The following KCNQ1 variants were observed in gnomAD, a reference collection of about 807,000 sequenced individuals.
KCNQ1 encodes potassium voltage-gated channel subfamily Q member 1.
In KCNQ1, 49 loss-of-function variants were observed where a neutral mutation model predicts 72.4. The ratio of observed to expected loss-of-function variants is 0.68; its 90% CI spans 0.54 to 0.86. KCNQ1 has a LOEUF of 0.86. Ranked by LOEUF, KCNQ1 falls within the 40% of genes least tolerant of loss-of-function variation. The probability of loss-of-function intolerance (pLI) is 0.00; values close to 1 mark genes in which losing one functional copy is unlikely to be tolerated. For synonymous variants in KCNQ1, 450 were observed against 412.6 expected, an observed-to-expected ratio of 1.09 and a Z score of -1.10; for missense variants, 790 against 945.1, an observed-to-expected ratio of 0.84 and a Z score of 2.15.
chr11:2,570,957 T>A (rs1032379981), intron 3 of KCNQ1, among the ~76,000 whole-genome samples: 2 of 152,046 alleles, frequency 1.3e-5, no homozygotes, highest in African/African-American at 4.8e-5. Flanking sequence ...GTGTTGGGGG[T>A]AGGGGGTTGG....
chr11:2,640,187 C>G (rs993613787), intron 10 of KCNQ1: 7 of 389,930 alleles, frequency 1.8e-5, no homozygotes, highest in Non-Finnish European at 3.2e-5. Flanking sequence ...TACTTCGTCT[C>G]ACACTCAGTG....
In KCNQ1 at chr11:2,668,496, G is replaced by A; in HGVS notation, c.1514+6415G>A. 2.5e-6 allele frequency: 1 copy of A among 398,618 alleles called. No individual in the cohort carries two copies. The highest frequency in any genetic ancestry group is 4.4e-6 in the Non-Finnish European group (1 of 226,060). 24.7% of individuals were successfully genotyped at this position (398,618 alleles called of 1,614,324 possible). On this transcript the variant is annotated intron_variant, in intron 11 of 15. Coordinates refer to ENST00000155840, the MANE Select transcript of KCNQ1 (RefSeq NM_000218.3). This position sits in a 1 kb window ranked among gnomAD's most constrained non-coding sequence, Gnocchi z 4.3. ...TTCCTTTTCAGCCATGATGGTGAAT[G>A]TCTAGCAGCATCAAATGGTGATTTT...
chr11:2,667,570 G>A (rs1850101265), intron 11 of KCNQ1: 2 of 398,256 alleles, frequency 5.0e-6, no homozygotes, highest in African/African-American at 2.1e-5. Flanking sequence ...CTGGCAGTTG[G>A]GGCAGGGGGT....
intron 10 of KCNQ1, chr11:2,644,465 T>A (rs1849635817): frequency 2.5e-6 from 1 of 398,346 alleles, no homozygotes; most frequent in South Asian, 1.3e-4. Context: ...AATTTCTCAT[T>A]CATACCCCGA....
In KCNQ1 at chr11:2,483,610, T is replaced by C. The variant is rs988498213; in HGVS notation, c.386+38126T>C. Reference sequence around the variant, plus strand: ...TGACCTTGATGTTTTAGATAAGTACTGGGCGGCTGTTTTGTAGAACGTCCC... The same window carrying C: ...TGACCTTGATGTTTTAGATAAGTACCGGGCGGCTGTTTTGTAGAACGTCCC... On this transcript the variant is annotated intron_variant, in intron 1 of 15. Coordinates refer to ENST00000155840, the MANE Select transcript of KCNQ1 (RefSeq NM_000218.3). This position sits in a 1 kb window ranked among gnomAD's most constrained non-coding sequence, Gnocchi z 6.1. Among the ~76,000 whole-genome samples the C allele has an allele frequency of 6.6e-6, 1 of 152,222 alleles. No individual in the cohort carries two copies. The highest frequency in any genetic ancestry group is 2.4e-5 in the African/African-American group (1 of 41,464).
At chr11:2,779,229 G>T (rs917842436) in intron 15 of KCNQ1, among the ~76,000 whole-genome samples, 11 of 152,244 alleles carry the variant, frequency 7.2e-5, no homozygotes, top group African/African-American at 2.7e-4. Flanking sequence ...TCAGCTCACA[G>T]GATTGGCAAG....
At chr11:2,722,694 A>C (rs1335484015) in intron 11 of KCNQ1, among the ~76,000 whole-genome samples, 1 of 151,996 alleles carries the variant, frequency 6.6e-6, no homozygotes, top group African/African-American at 2.4e-5. Flanking sequence ...GTTGGGAGTC[A>C]TGACCTGTTT....
chr11:2,557,853 T>C (rs796800164), intron 2 of KCNQ1, among the ~76,000 whole-genome samples: 18 of 152,346 alleles, frequency 1.2e-4, no homozygotes, highest in Admixed American at 3.3e-4. Flanking sequence ...ACCAGCACTA[T>C]CACTTCGAAC....
rs1849218618 is a variant in KCNQ1, at chr11:2,623,938, A to G, written c.1393+35084A>G. 1 of 398,500 alleles carries G rather than the reference A, an allele frequency of 2.5e-6. No individual in the cohort carries two copies. Among genetic ancestry groups the G allele is most frequent in the African/African-American group, 2.1e-5 (1 of 48,638 alleles). 24.7% of individuals were successfully genotyped at this position (398,500 alleles called of 1,614,324 possible). A position where few individuals can be genotyped will look rare whatever the true frequency, so the allele number is the denominator to read the frequency against. ...TGATAATTCCATTTTTAATTCTTTG[A>G]AGAACCACCAAACTCTTCTCCACCA... On this transcript the variant is annotated intron_variant, in intron 10 of 15. Transcript: ENST00000155840. This position sits in a 1 kb window ranked among gnomAD's most constrained non-coding sequence, Gnocchi z 5.2.
intron 11 of KCNQ1, chr11:2,696,597 CCTCCAA>C (rs1850680569): frequency 2.5e-6 from 1 of 398,498 alleles, no homozygotes; most frequent in Non-Finnish European, 4.4e-6. Context: ...TTACTCAAGC[CCTCCAA>C]CTGGAAGTTT....
intron 1 of KCNQ1, among the ~76,000 whole-genome samples, chr11:2,513,744 C>T (rs1847245901): frequency 6.6e-6 from 1 of 152,244 alleles, no homozygotes; most frequent in African/African-American, 2.4e-5. Flanking sequence ...GTTCTCCTCT[C>T]TCCTCTGGGA....
chr11:2,684,688 C>A, intron 11 of KCNQ1: 1 of 398,628 alleles, frequency 2.5e-6, no homozygotes. Context: ...TAGTGGCCAA[C>A]TGAGCACTTG....
At chr11:2,742,640 C>A (rs1308089382) in intron 11 of KCNQ1, among the ~76,000 whole-genome samples, 1 of 152,224 alleles carries the variant, frequency 6.6e-6, no homozygotes, top group Admixed American at 6.5e-5. Flanking sequence ...TGAGGATGCT[C>A]GGTGTTTGTC....
rs1442909448 is a variant in KCNQ1 at position 2,620,540 on chromosome 11, A to G, written c.1393+31686A>G. ...CGAATTCATTCATTTTTATGGCTGC[A>G]TAGTATTCCATGGTGTACATGTACC... On this transcript the variant is annotated intron_variant, in intron 10 of 15. Coordinates refer to ENST00000155840, the MANE Select transcript of KCNQ1 (RefSeq NM_000218.3). The surrounding 1 kb of genome is among the most constrained non-coding windows in gnomAD (Gnocchi z 4.5). 8 of 394,884 alleles carry G rather than the reference A, an allele frequency of 2.0e-5. No individual in the cohort carries two copies. The highest frequency in any genetic ancestry group is 4.4e-5 in the Admixed American group (1 of 22,570). The allele number at this position is 394,884 out of a possible 1,614,324, so 24.5% of individuals were successfully genotyped here.
chr11:2,819,845 T>C (rs977966210), intron 15 of KCNQ1, among the ~76,000 whole-genome samples: 2 of 152,236 alleles, frequency 1.3e-5, no homozygotes, highest in Non-Finnish European at 2.9e-5. Context: ...TAAGCCACTT[T>C]TGGTATTTTT....
At chr11:2,622,430 T>C (rs576442338) in intron 10 of KCNQ1, 3 of 398,398 alleles carry the variant, frequency 7.5e-6, no homozygotes, top group Admixed American at 4.4e-5. Flanking sequence ...TTCAATCTAC[T>C]TGTGTCTTTA....
At chr11:2,609,147 A>T (rs1397968006) in intron 10 of KCNQ1, 1 of 398,168 alleles carries the variant, frequency 2.5e-6, no homozygotes, top group Non-Finnish European at 4.4e-6. Context: ...TTATTTTTTG[A>T]TATAGGCATT....
In KCNQ1 at chr11:2,478,797, T is replaced by A. The variant is rs1234568772; in HGVS notation, c.386+33313T>A. ...AGTCTTAACTCATTTCAGCATTAAC[T>A]CAAAAATCTGCAGTCCAAAGTCTCA... is the stretch of plus-strand genomic sequence containing the variant. On this transcript the variant is annotated intron_variant, in intron 1 of 15. Coordinates refer to ENST00000155840, the MANE Select transcript of KCNQ1 (RefSeq NM_000218.3). The surrounding 1 kb of genome is among the most constrained non-coding windows in gnomAD (Gnocchi z 4.0). Among the ~76,000 whole-genome samples, 2 of 152,086 alleles carry A rather than the reference T, an allele frequency of 1.3e-5. No homozygotes were observed. Among genetic ancestry groups the A allele is most frequent in the Non-Finnish European group, 2.9e-5 (2 of 68,020 alleles).
chr11:2,651,690 T>C lies in KCNQ1; in HGVS notation c.1394-10271T>C, dbSNP rs1286211677. 5.0e-6 allele frequency: 2 copies of C among 398,552 alleles called. No individual in the cohort carries two copies. The highest frequency in any genetic ancestry group is 3.6e-5 in the East Asian group (1 of 28,092). 24.7% of individuals were successfully genotyped at this position (398,552 alleles called of 1,614,324 possible). A position where few individuals can be genotyped will look rare whatever the true frequency, so the allele number is the denominator to read the frequency against. The stretch of plus-strand genomic sequence containing the variant: ...ATTAGCCACGTGGCCCTCTGTTTCC[T>C]GTAATAGGCCATTTCCTAAGTAAGC... On this transcript the variant is annotated intron_variant, in intron 10 of 15. Coordinates refer to ENST00000155840, the MANE Select transcript of KCNQ1 (RefSeq NM_000218.3). The surrounding 1 kb of genome is among the most constrained non-coding windows in gnomAD (Gnocchi z 6.1).
Sources: gnomAD v4.1 joint callset for allele counts (sites outside exome capture counted in the v4.1 genomes callset) on GRCh38, gnomAD v4.1.1 for gene constraint, Gnocchi (gnomAD v3.1) non-coding constraint, MANE v1.5 for transcripts, NCBI Gene and HGNC (gene_info 2026-07-23, HGNC 2026-07-21) for gene names.